LDLRAD3: variants seen among roughly 807,000 people sequenced by gnomAD.
LDLRAD3 encodes low density lipoprotein receptor class A domain containing 3.
In LDLRAD3, 20 loss-of-function variants were observed where a neutral mutation model predicts 29.4. The ratio of observed to expected loss-of-function variants is 0.68; its 90% confidence interval spans 0.48 to 0.99. The LOEUF (loss-of-function observed/expected upper bound fraction) is 0.99, where lower values mean the gene tolerates loss of function less well. LDLRAD3 is among the 50% of genes least tolerant of loss of function. LDLRAD3 has a pLI of 0.00. For missense variants in LDLRAD3, 420 were observed against 454.3 expected (o/e 0.92, Z 0.69); for synonymous variants, 157 against 192.7 (o/e 0.81, Z 1.53).
intron 2 of LDLRAD3, among the ~76,000 whole-genome samples, chr11:36,080,680 T>A (rs1175507642): frequency 1.3e-5 from 2 of 152,214 alleles, no homozygotes; most frequent in Non-Finnish European, 2.9e-5. Flanking sequence ...GGACTCAGTA[T>A]ATGATCATAC....
At chr11:35,975,803 G>T (rs1246472244) in intron 1 of LDLRAD3, among the ~76,000 whole-genome samples, 1 of 151,570 alleles carries the variant, frequency 6.6e-6, no homozygotes, top group East Asian at 1.9e-4. Flanking sequence ...CCAGAGAGCT[G>T]CCCAGGAACA....
chr11:35,951,937 T>C (rs976821510), intron 1 of LDLRAD3, among the ~76,000 whole-genome samples: 1 of 152,242 alleles, frequency 6.6e-6, no homozygotes, highest in Non-Finnish European at 1.5e-5. Flanking sequence ...TACATCCTGA[T>C]GTCAGAGATG....
chr11:36,160,816 C>T (rs1202062846), intron 4 of LDLRAD3, among the ~76,000 whole-genome samples: 1 of 152,014 alleles, frequency 6.6e-6, no homozygotes, highest in Admixed American at 6.6e-5. Context: ...TGGGGAGGGA[C>T]AGAGTTTCGC....
chr11:36,097,777 A>G (rs1178481103), intron 3 of LDLRAD3, among the ~76,000 whole-genome samples: 2 of 152,184 alleles, frequency 1.3e-5, no homozygotes, highest in Non-Finnish European at 2.9e-5. Context: ...ATCATGCATT[A>G]TGTATATGTA....
At chr11:36,160,206 T>C (rs1203650851) in intron 4 of LDLRAD3, among the ~76,000 whole-genome samples, 2 of 152,176 alleles carry the variant, frequency 1.3e-5, no homozygotes, top group Non-Finnish European at 2.9e-5. Context: ...AAATTCCAGC[T>C]TGCTGTTTTG....
chr11:36,159,928 C>T (rs546050897), intron 4 of LDLRAD3, among the ~76,000 whole-genome samples: 3 of 152,260 alleles, frequency 2.0e-5, no homozygotes, highest in Admixed American at 6.5e-5. Context: ...GTGAGTCCTC[C>T]GGCAACTCAT....
intron 4 of LDLRAD3, among the ~76,000 whole-genome samples, chr11:36,192,231 G>C (rs1123562): frequency 0.48 from 72,292 of 152,062 alleles, 17,554 homozygotes; most frequent in Middle Eastern, 0.59. Flanking sequence ...GTCTGTGACA[G>C]TACTTGCACT....
At chr11:35,971,779 G>A (rs189259172) in intron 1 of LDLRAD3, among the ~76,000 whole-genome samples, 33 of 152,266 alleles carry the variant, frequency 2.2e-4, no homozygotes, top group Admixed American at 1.4e-3. Context: ...CAGAACAGCC[G>A]GGAACTCACA....
intron 1 of LDLRAD3, among the ~76,000 whole-genome samples, chr11:35,955,794 A>C (rs984555078): frequency 6.6e-6 from 1 of 152,372 alleles, no homozygotes; most frequent in Non-Finnish European, 1.5e-5. Flanking sequence ...GAGAATACAT[A>C]GTTCTAATGT....
At chr11:36,111,157 C>T (rs1358061275) in intron 4 of LDLRAD3, among the ~76,000 whole-genome samples, 1 of 152,090 alleles carries the variant, frequency 6.6e-6, no homozygotes, top group Non-Finnish European at 1.5e-5. Flanking sequence ...GATGTTCAAC[C>T]CTGGAAAAGA....
At chr11:36,030,799 A>G (rs977353550) in intron 1 of LDLRAD3, among the ~76,000 whole-genome samples, 4 of 152,202 alleles carry the variant, frequency 2.6e-5, no homozygotes, top group Non-Finnish European at 5.9e-5. Flanking sequence ...TTGCATCATG[A>G]CAAGGGGTCC....
chr11:36,024,230 A>G (rs1291783388), intron 1 of LDLRAD3, among the ~76,000 whole-genome samples: 7 of 152,192 alleles, frequency 4.6e-5, no homozygotes, highest in African/African-American at 1.7e-4. Context: ...ACCATTTATT[A>G]AACCCCAAGT....
intron 1 of LDLRAD3, among the ~76,000 whole-genome samples, chr11:35,995,699 G>A (rs1266804522): frequency 6.6e-6 from 1 of 152,212 alleles, no homozygotes; most frequent in Non-Finnish European, 1.5e-5. Context: ...TTTTAGTGTA[G>A]CCACTGTTAT....
intron 1 of LDLRAD3, among the ~76,000 whole-genome samples, chr11:36,016,882 T>C (rs983413672): frequency 1.3e-5 from 2 of 152,228 alleles, no homozygotes; most frequent in Non-Finnish European, 1.5e-5. Context: ...TTTTAAAGGC[T>C]GATGTGGTAC....
At chr11:36,191,574 C>CTATATATATA (rs1242651513) in intron 4 of LDLRAD3, among the ~76,000 whole-genome samples, 4 of 67,838 alleles carry the variant, frequency 5.9e-5, no homozygotes, top group Admixed American at 1.5e-4. Context: ...CTCTCTCTCT[C>CTATATATATA]TCTATATATA....
At chr11:36,079,308 A>G (rs1254607793) in intron 2 of LDLRAD3, among the ~76,000 whole-genome samples, 3 of 152,234 alleles carry the variant, frequency 2.0e-5, no homozygotes, top group African/African-American at 7.2e-5. Context: ...TGGTCATCAG[A>G]AAAAAATTTC....
chr11:35,980,112 A>G (rs748958427), intron 1 of LDLRAD3, among the ~76,000 whole-genome samples: 1 of 152,194 alleles, frequency 6.6e-6, no homozygotes, highest in Non-Finnish European at 1.5e-5. Flanking sequence ...TAGCTCTCTA[A>G]TGAGTTCATC....
intron 4 of LDLRAD3, among the ~76,000 whole-genome samples, chr11:36,178,136 C>T (rs1469304783): frequency 1.3e-5 from 2 of 152,126 alleles, no homozygotes; most frequent in African/African-American, 4.8e-5. Context: ...GTTAGTCCTG[C>T]CTCCTCACCA....
intron 4 of LDLRAD3, among the ~76,000 whole-genome samples, chr11:36,146,360 T>C (rs1200870453): frequency 6.6e-6 from 1 of 152,244 alleles, no homozygotes; most frequent in Non-Finnish European, 1.5e-5. Flanking sequence ...CTCATAACCT[T>C]TTCTCTCTTT....
Sources: gnomAD v4.1 joint callset for allele counts (sites outside exome capture counted in the v4.1 genomes callset) on GRCh38, gnomAD v4.1.1 for gene constraint, MANE v1.5 for transcripts, NCBI Gene and HGNC (gene_info 2026-07-23, HGNC 2026-07-21) for gene names.